Variants in DPP6 observed in about 807,000 individuals in gnomAD.
The protein encoded by DPP6 is A-type potassium channel modulatory protein DPP6.
A neutral mutation model predicts 122.6 loss-of-function variants in DPP6; 69 were observed. The observed-to-expected ratio is 0.56, with a 90% CI of 0.46 to 0.69. The LOEUF is 0.69. Among genes scored for constraint, DPP6 ranks in the 30% least tolerant of loss-of-function variants. The pLI, the probability that DPP6 is intolerant of heterozygous loss-of-function variation, is 0.00. For missense variants in DPP6, 928 were observed against 1,116.9 expected (o/e 0.83, Z 2.41); for synonymous variants, 418 against 433.1 (o/e 0.97, Z 0.43).
At chr7:154,682,562 G>A (rs1839348918) in intron 7 of DPP6, among the ~76,000 whole-genome samples, 1 of 152,214 alleles carries the variant, frequency 6.6e-6, no homozygotes, top group Non-Finnish European at 1.5e-5. Context: ...GAGACAGAGA[G>A]GGCACAGAAC....
Position 154,174,014 on chromosome 7 carries a change from A to C in DPP6, c.243+120951A>C, listed in dbSNP as rs191028149. Among the ~76,000 whole-genome samples the C allele has an allele frequency of 4.6e-5, 7 of 152,284 alleles. No homozygotes were observed. The East Asian group carries it at 1.4e-3, about 29-fold the overall frequency. The stretch of plus-strand genomic sequence containing the variant: ...AGACATGGGTGTCTTGCTTAAGGGG[A>C]CCAGTTTCCCCCACGTGCCTCTCTA... On this transcript the variant is annotated intron_variant, in intron 1 of 25. Transcript: ENST00000377770.
intron 1 of DPP6, among the ~76,000 whole-genome samples, chr7:153,953,323 TG>T (rs1449909281): frequency 6.6e-6 from 1 of 152,168 alleles, no homozygotes; most frequent in East Asian, 1.9e-4. Flanking sequence ...CCAAAGAAGT[TG>T]GGTAATTTGC....
chr7:153,803,545 T>C, the DPP6 span, among the ~76,000 whole-genome samples: 1 of 151,990 alleles, frequency 6.6e-6, no homozygotes, highest in Non-Finnish European at 1.5e-5. Flanking sequence ...GGTTCTCAAG[T>C]CTTGGGACTC....
intron 1 of DPP6, among the ~76,000 whole-genome samples, chr7:154,200,578 G>C (rs963509377): frequency 1.3e-5 from 2 of 152,194 alleles, no homozygotes; most frequent in South Asian, 4.1e-4. Context: ...GCCATTCTTA[G>C]GCATTTTTGT....
At chr7:154,768,387 C>T (rs1326540812) in intron 8 of DPP6, among the ~76,000 whole-genome samples, 8 of 152,192 alleles carry the variant, frequency 5.3e-5, no homozygotes, top group Admixed American at 5.2e-4. Flanking sequence ...TCTTAATCAC[C>T]TTTCTACACT....
chr7:154,175,264 C>G (rs948242949), intron 1 of DPP6, among the ~76,000 whole-genome samples: 26 of 152,182 alleles, frequency 1.7e-4, no homozygotes, highest in African/African-American at 5.8e-4. Flanking sequence ...GCAAAAGAGA[C>G]TTTGCAGATG....
At chr7:154,591,187 G>C (rs1251039665) in intron 5 of DPP6, among the ~76,000 whole-genome samples, 2 of 152,208 alleles carry the variant, frequency 1.3e-5, no homozygotes, top group African/African-American at 2.4e-5. Context: ...CTAGAATCTG[G>C]AAGGACAGCC....
intron 5 of DPP6, among the ~76,000 whole-genome samples, chr7:154,634,665 C>T (rs1201644921): frequency 1.3e-5 from 2 of 151,158 alleles, no homozygotes; most frequent in Non-Finnish European, 3.0e-5. Flanking sequence ...TCCTCTTCCT[C>T]CTCTTCCCCT....
At chr7:154,138,389 A>G (rs533978978) in intron 1 of DPP6, among the ~76,000 whole-genome samples, 1 of 152,306 alleles carries the variant, frequency 6.6e-6, no homozygotes, top group East Asian at 1.9e-4. Flanking sequence ...TATTTGGAAA[A>G]TCTCCAGATG....
At chr7:154,769,635 A>T in intron 9 of DPP6, 64 bp downstream of exon 9, 11 of 1,468,466 alleles carry the variant, frequency 7.5e-6, no homozygotes, top group Non-Finnish European at 1.0e-5. Context: ...AACCCTGCTC[A>T]CTCAGTGTGC....
At chr7:154,670,124 T>C (rs1838465295) in intron 7 of DPP6, among the ~76,000 whole-genome samples, 1 of 152,156 alleles carries the variant, frequency 6.6e-6, no homozygotes, top group African/African-American at 2.4e-5. Flanking sequence ...CCTCCCAAAG[T>C]GCTGGCATTA....
intron 1 of DPP6, among the ~76,000 whole-genome samples, chr7:154,239,138 A>G (rs1408029907): frequency 6.6e-6 from 1 of 152,214 alleles, no homozygotes; most frequent in African/African-American, 2.4e-5. Context: ...GAAAATGGTC[A>G]GGGCCAATTC....
At chr7:154,675,799 C>T (rs75271928) in intron 7 of DPP6, among the ~76,000 whole-genome samples, 18,432 of 152,196 alleles carry the variant, frequency 0.12, 1,211 homozygotes, top group African/African-American at 0.16. Flanking sequence ...TAACTGTCCC[C>T]GTCTGTTCAC....
At chr7:154,364,495 G>A (rs1811989551) in intron 1 of DPP6, among the ~76,000 whole-genome samples, 1 of 152,126 alleles carries the variant, frequency 6.6e-6, no homozygotes, top group Admixed American at 6.5e-5. Flanking sequence ...ACTGCTTGAC[G>A]CCTGCCAGGC....
chr7:154,726,108 G>A lies in DPP6; in HGVS notation c.763-1659G>A, dbSNP rs550363506. Among the ~76,000 whole-genome samples the A allele has an allele frequency of 5.3e-5, 8 of 152,286 alleles. No homozygotes were observed. The East Asian group carries it at 1.4e-3, about 26-fold the overall frequency. ...TCAGCTTCCTCAGCTGCTTTCACAG[G>A]GTGGCATTGAGTGCCTGGGGCTTTT... On this transcript the variant is annotated intron_variant, in intron 7 of 25. Transcript: ENST00000377770.
chr7:154,866,517 A>G (rs1803889890), intron 17 of DPP6, among the ~76,000 whole-genome samples: 1 of 152,184 alleles, frequency 6.6e-6, no homozygotes, highest in Admixed American at 6.5e-5. Context: ...TCTCAGAGTT[A>G]AGGTCAAGTC....
chr7:154,352,133 G>A (rs1436782348), intron 1 of DPP6, among the ~76,000 whole-genome samples: 1 of 152,106 alleles, frequency 6.6e-6, no homozygotes, highest in Non-Finnish European at 1.5e-5. Flanking sequence ...TGGAGGGGAA[G>A]CAAACCTTTT....
At chr7:154,723,244 A>C (rs1841907585) in intron 7 of DPP6, among the ~76,000 whole-genome samples, 1 of 152,212 alleles carries the variant, frequency 6.6e-6, no homozygotes, top group African/African-American at 2.4e-5. Context: ...GTGACAGAGC[A>C]AGACTCCTTT....
intron 5 of DPP6, among the ~76,000 whole-genome samples, chr7:154,616,404 G>C (rs1162282619): frequency 6.6e-6 from 1 of 152,100 alleles, no homozygotes; most frequent in African/African-American, 2.4e-5. Flanking sequence ...ATGAAATTTT[G>C]AGCTTAAGGA....
Sources: gnomAD v4.1 joint callset for allele counts (sites outside exome capture counted in the v4.1 genomes callset) on GRCh38, gnomAD v4.1.1 for gene constraint, MANE v1.5 for transcripts, NCBI Gene and HGNC (gene_info 2026-07-23, HGNC 2026-07-21) for gene names.